The following PIAS3 variants were observed in gnomAD, a reference collection of about 807,000 sequenced individuals.
The protein encoded by PIAS3 is protein inhibitor of activated STAT 3.
PIAS3 carries 34 observed loss-of-function variants against 67.6 expected under a neutral mutation model. The observed-to-expected ratio is 0.50, with a 90% CI of 0.38 to 0.67. The LOEUF is 0.67. Ranked by LOEUF, PIAS3 falls within the 30% of genes least tolerant of loss-of-function variation. The probability of loss-of-function intolerance (pLI) is 0.00; values close to 1 mark genes in which losing one functional copy is unlikely to be tolerated. For synonymous variants in PIAS3, 341 were observed against 313.8 expected (o/e 1.09, Z -0.92); for missense variants, 693 against 791.6 (o/e 0.88, Z 1.49).
Position 145,855,781 on chromosome 1 carries a change from G to A in PIAS3, c.624C>T (p.Pro208=), listed in dbSNP as rs868977458. The A allele has an allele frequency of 6.2e-7, 1 of 1,610,824 alleles. No homozygotes were observed. Among genetic ancestry groups the A allele is most frequent in the East Asian group, 2.2e-5 (1 of 44,878 alleles). Residue 208 remains proline (P), a synonymous_variant, in exon 5 of 14, where the codon CCC becomes CCT. Transcript: ENST00000393045. ...ETSCPQEDYF[P]PNLFVKVNGK... is the part of the protein sequence containing the mutation. ...CATTGACCTTGACAAAGAGGTTGGG[G>A]GGAAAATAATCTTCCTGGGGGCAGC...
intron 1 of PIAS3, 57 bp downstream of exon 1, chr1:145,858,910 G>C (rs1461094908): frequency 4.8e-6 from 7 of 1,444,188 alleles, no homozygotes; most frequent in Non-Finnish European, 6.4e-6. Context: ...GTCGCTTCCC[G>C]GACACGGCGT....
chr1:145,849,883 C>A (rs1652884830), intron 13 of PIAS3, 171 bp from the exon 14 acceptor site: 3 of 1,458,274 alleles, frequency 2.1e-6, no homozygotes, highest in Non-Finnish European at 9.0e-7. Flanking sequence ...ACACCCTTCC[C>A]CTTTCCCTGC....
At chr1:145,850,627 A>G (rs1652918830) in intron 11 of PIAS3, 41 bp from the exon 12 acceptor site, 1 of 1,608,278 alleles carries the variant, frequency 6.2e-7, no homozygotes. Context: ...CAAACCACAG[A>G]TGCCCTCACC....
In PIAS3 at chr1:145,854,578, G is replaced by C. The variant is rs782786288; in HGVS notation, c.805-15C>G. On this transcript the variant is annotated splice_polypyrimidine_tract_variant and intron_variant, in intron 6 of 13. Transcript: ENST00000393045. ...AAGGAGTAATTCTACTTGGAGGCAG[G>C]GGGTAGACAATTAGCCTCTGCTTCT... 5.0e-6 allele frequency: 8 copies of C among 1,591,760 alleles called. No individual in the cohort carries two copies. The highest frequency in any genetic ancestry group is 4.4e-5 in the South Asian group (4 of 90,628).
rs1016562796 is a variant in PIAS3 at position 145,859,043 on chromosome 1, G to C, written c.-53C>G. The C allele has an allele frequency of 6.6e-6, 10 of 1,524,510 alleles. No individual in the cohort carries two copies. Among genetic ancestry groups the C allele is most frequent in the South Asian group, 4.9e-5 (4 of 82,186 alleles). The allele number at this position is 1,524,510 out of a possible 1,614,324, so 94.4% of individuals were successfully genotyped here. A position where few individuals can be genotyped will look rare whatever the true frequency, so the allele number is the denominator to read the frequency against. On this transcript the variant is annotated 5_prime_UTR_variant, in exon 1 of 14. Coordinates refer to ENST00000393045, the MANE Select transcript of PIAS3 (RefSeq NM_006099.3). ...GAGCCGGAGCTCAGGCCCAGGGACC[G>C]GCGCACAACTCTCCACCCTGGCGCC...
At position 145,848,604 on chromosome 1, in the gene PIAS3, C is replaced by A; in HGVS notation, c.*842G>T. On this transcript the variant is annotated 3_prime_UTR_variant, in exon 14 of 14. Coordinates refer to ENST00000393045, the MANE Select transcript of PIAS3 (RefSeq NM_006099.3). ...GTAAAATTACAACATAGGTCCTAGG[C>A]CTTGGCGAGCCTGAAAAAGAAGATT... 1 of 702,508 alleles carries A rather than the reference C, an allele frequency of 1.4e-6. No homozygotes were observed. The highest frequency in any genetic ancestry group is 2.4e-6 in the Non-Finnish European group (1 of 418,784). The allele number at this position is 702,508 out of a possible 1,614,324, so 43.5% of individuals were successfully genotyped here.
intron 9 of PIAS3, among the ~76,000 whole-genome samples, chr1:145,852,363 C>T (rs1224072326): frequency 2.0e-5 from 3 of 152,152 alleles, no homozygotes; most frequent in Non-Finnish European, 4.4e-5. Flanking sequence ...TTAGAACATC[C>T]AGGCCCTGAA....
intron 1 of PIAS3, 62 bp from the exon 2 acceptor site, chr1:145,857,068 A>G: frequency 6.9e-7 from 1 of 1,458,404 alleles, no homozygotes; most frequent in Non-Finnish European, 9.5e-7. Flanking sequence ...CTGCCAAGAC[A>G]TGGGCTGAGC....
rs201698265 is a variant in PIAS3 at position 145,849,643 on chromosome 1, C to G, written c.1690G>C (p.Gly564Arg). Residue 564 changes from glycine (G) to arginine (R), a missense_variant, in exon 14 of 14, where the codon GGG becomes CGG. Gly to Arg is a moderately radical substitution (Grantham distance 125, BLOSUM62 -2). Transcript: ENST00000393045. ...GGGCCCAGAAAGTGAGAAGGGGTCC[C>G]TCGGTACTGGAAGAAGTGGCCAAGG... The part of the protein sequence containing the change: ...DALGHFFQYR[G>R]TPSHFLGPLA... 3.7e-6 allele frequency: 6 copies of G among 1,613,256 alleles called. No homozygotes were observed. The highest frequency in any genetic ancestry group is 1.3e-5 in the African/African-American group (1 of 75,026).
rs781963298 is a variant in PIAS3, at chr1:145,855,830, G to T, written c.579-4C>A. 1.9e-6 allele frequency: 3 copies of T among 1,558,130 alleles called. No homozygotes were observed. The Admixed American group carries it at 5.0e-5, about 26-fold the overall frequency. ...GCTGGTCTCACAGAGACAGAACCTG[G>T]TAAGAGATGAGAAAGGAAGAAAGAG... On this transcript the variant is annotated splice_polypyrimidine_tract_variant and splice_region_variant and intron_variant, in intron 4 of 13. Coordinates refer to ENST00000393045, the MANE Select transcript of PIAS3 (RefSeq NM_006099.3).
In PIAS3 at chr1:145,856,830, C is replaced by T; in HGVS notation, c.201G>A (p.Arg67=). ...AGAGATCAGAGGGCCCCAGGGTCTT[C>T]CGGGGAAAGCGTCGTCGGTAAAGCT... ...IKELYRRRFP[R]KTLGPSDLSL... Residue 67 remains arginine (R), a synonymous_variant, in exon 2 of 14, where the codon CGG becomes CGA. Coordinates refer to ENST00000393045, the MANE Select transcript of PIAS3 (RefSeq NM_006099.3). 1 of 1,614,058 alleles carries T rather than the reference C, an allele frequency of 6.2e-7. No individual in the cohort carries two copies. The highest frequency in any genetic ancestry group is 1.7e-5 in the Admixed American group (1 of 60,010).
intron 5 of PIAS3, among the ~76,000 whole-genome samples, chr1:145,855,104 A>G (rs1230643161): frequency 1.3e-5 from 2 of 152,146 alleles, no homozygotes; most frequent in African/African-American, 2.4e-5. Flanking sequence ...GAGCTTATTT[A>G]TTGACTGAGA....
At position 145,858,953 on chromosome 1, in the gene PIAS3, GA is replaced by G; in HGVS notation, c.24+13del. Reference sequence around the variant, plus strand: ...GGCTGAGTCCAGATGGGGATGGGGGGAGGGGGCCGGTACCTTTAATTCGCCC... The same window carrying G: ...GGCTGAGTCCAGATGGGGATGGGGGGGGGGGCCGGTACCTTTAATTCGCCC... On this transcript the variant is annotated intron_variant, in intron 1 of 13. Transcript: ENST00000393045. The G allele has an allele frequency of 6.6e-7, 1 of 1,523,946 alleles. No individual in the cohort carries two copies. The highest frequency in any genetic ancestry group is 1.4e-5 in the African/African-American group (1 of 70,284). 94.4% of individuals were successfully genotyped at this position (1,523,946 alleles called of 1,614,324 possible).
At chr1:145,851,234 G>T in intron 9 of PIAS3, 81 bp from the exon 10 acceptor site, 2 of 1,393,764 alleles carry the variant, frequency 1.4e-6, no homozygotes, top group Non-Finnish European at 2.0e-6. Context: ...TCACCTTCCT[G>T]TATCTCAGTT....
Position 145,849,973 on chromosome 1 carries a change from C to T in PIAS3, c.1620+259G>A, listed in dbSNP as rs1199507153. On this transcript the variant is annotated intron_variant, in intron 13 of 13. Coordinates refer to ENST00000393045, the MANE Select transcript of PIAS3 (RefSeq NM_006099.3). ...GTGTGGAATGTCCGGTTAGAGCAGGCATGGTGCTCTAAGTGCACACGGGGG... is the reference window on the plus strand; with the variant it reads ...GTGTGGAATGTCCGGTTAGAGCAGGTATGGTGCTCTAAGTGCACACGGGGG... 1.9e-5 allele frequency: 27 copies of T among 1,428,136 alleles called. 1 individual carries two copies. The highest frequency in any genetic ancestry group is 2.0e-5 in the Non-Finnish European group (22 of 1,097,054). The allele number at this position is 1,428,136 out of a possible 1,614,324, so 88.5% of individuals were successfully genotyped here. A position where few individuals can be genotyped will look rare whatever the true frequency, so the allele number is the denominator to read the frequency against.
chr1:145,854,516 G>C lies in PIAS3; in HGVS notation c.852C>G (p.Thr284=). The stretch of plus-strand genomic sequence containing the variant: ...CCTTTGCTCTGAGTTTTTGTAGAAG[G>C]GTTCCTGCAGTCAACTGCCTCACCA... ...VYLVRQLTAG[T]LLQKLRAKGI... is the part of the protein sequence containing the mutation. Residue 284 remains threonine, a synonymous_variant, in exon 7 of 14, where the codon ACC becomes ACG. Transcript: ENST00000393045. 1 of 1,614,124 alleles carries C rather than the reference G, an allele frequency of 6.2e-7. No homozygotes were observed. Among genetic ancestry groups the C allele is most frequent in the Non-Finnish European group, 8.5e-7 (1 of 1,180,002 alleles).
Position 145,856,611 on chromosome 1 carries a change from C to T in PIAS3, c.420G>A (p.Glu140=). Residue 140 remains glutamate (E), a synonymous_variant, in exon 2 of 14, where the codon GAG becomes GAA. Transcript: ENST00000393045. ...TACCAAGGGTGGTGGGCCGGATGAG[C>T]TCCCCATAGACTTCATAGAAGGGCA... ...KPLPFYEVYG[E]LIRPTTLAST... 4.5e-6 allele frequency: 7 copies of T among 1,567,348 alleles called. No homozygotes were observed. Among genetic ancestry groups the T allele is most frequent in the Non-Finnish European group, 6.1e-6 (7 of 1,156,296 alleles).
chr1:145,854,996 T>C (rs1350797794), intron 5 of PIAS3, 116 bp from the exon 6 acceptor site: 21 of 1,244,936 alleles, frequency 1.7e-5, no homozygotes, highest in Non-Finnish European at 2.3e-5. Flanking sequence ...GCCAACTCGC[T>C]CACTCACTGA....
intron 1 of PIAS3, 195 bp from the exon 2 acceptor site, chr1:145,857,201 T>C (rs897205649): frequency 1.5e-5 from 9 of 599,226 alleles, no homozygotes; most frequent in Non-Finnish European, 2.7e-5. Flanking sequence ...TTAGCAACCA[T>C]CAGGTCAGCA....
Sources: gnomAD v4.1 joint callset for allele counts (sites outside exome capture counted in the v4.1 genomes callset) on GRCh38, gnomAD v4.1.1 for gene constraint, MANE v1.5 for transcripts, NCBI Gene and HGNC (gene_info 2026-07-23, HGNC 2026-07-21) for gene names.